Variants in SPON1 observed in about 807,000 individuals in gnomAD.
The protein encoded by SPON1 is spondin-1.
Under a neutral mutation model 111.7 loss-of-function variants are expected in SPON1, and 52 were observed. The observed-to-expected ratio is 0.47, with a 90% CI of 0.37 to 0.59. The LOEUF is 0.59. Ranked by LOEUF, SPON1 falls within the 20% of genes least tolerant of loss-of-function variation. The probability of loss-of-function intolerance (pLI) is 0.00; values close to 1 mark genes in which losing one functional copy is unlikely to be tolerated. For missense variants in SPON1, 957 were observed against 1,068.5 expected (o/e 0.90, Z 1.46); for synonymous variants, 410 against 395.8 (o/e 1.04, Z -0.43).
chr11:14,243,473 A>AT lies in SPON1; in HGVS notation c.890+78dup, dbSNP rs1848952915. ...AAGCCACCTACCTAATGGCCACCAC[A>AT]TACCAGTTATGCTGTTGAAGTTAGC... On this transcript the variant is annotated intron_variant, in intron 7 of 15. Coordinates refer to ENST00000576479, the MANE Select transcript of SPON1 (RefSeq NM_006108.4). The AT allele has an allele frequency of 1.2e-5, 14 of 1,183,284 alleles. No homozygotes were observed. In the Admixed American group the frequency reaches 2.8e-4, roughly 23 times the overall value. 73.3% of individuals were successfully genotyped at this position (1,183,284 alleles called of 1,614,324 possible).
chr11:14,190,864 C>A (rs1467912274), intron 6 of SPON1, among the ~76,000 whole-genome samples: 2 of 151,972 alleles, frequency 1.3e-5, no homozygotes, highest in Admixed American at 6.6e-5. Context: ...TGTTCTGGAA[C>A]TCCTGACCTC....
At chr11:13,968,732 G>A (rs868949101) in intron 1 of SPON1, among the ~76,000 whole-genome samples, 1 of 152,050 alleles carries the variant, frequency 6.6e-6, no homozygotes, top group African/African-American at 2.4e-5. Flanking sequence ...GCAGTGGACT[G>A]GGGGGAGAGG....
chr11:14,190,690 G>C (rs1426286000), intron 6 of SPON1, among the ~76,000 whole-genome samples: 1 of 146,602 alleles, frequency 6.8e-6, no homozygotes, highest in Non-Finnish European at 1.5e-5. Flanking sequence ...ACCCAGGCTA[G>C]AGTGCAGTGG....
intron 6 of SPON1, among the ~76,000 whole-genome samples, chr11:14,200,808 CTGT>C (rs1554935539): frequency 1.4e-4 from 16 of 117,030 alleles, no homozygotes; most frequent in African/African-American, 2.5e-4. Context: ...GAGCAAGACC[CTGT>C]CTTAAAAAAA....
intron 2 of SPON1, among the ~76,000 whole-genome samples, chr11:14,004,231 C>A (rs982017653): frequency 1.3e-5 from 2 of 152,098 alleles, no homozygotes; most frequent in Non-Finnish European, 2.9e-5. Flanking sequence ...ATTTTCTTTT[C>A]CCAAATGAAC....
chr11:14,149,369 A>G lies in SPON1; in HGVS notation c.825+13801A>G, dbSNP rs782724669. On this transcript the variant is annotated intron_variant, in intron 6 of 15. Transcript: ENST00000576479. The stretch of plus-strand genomic sequence containing the variant: ...GAATAAGGATATAAAGAATGAAAAC[A>G]TTCTTGTACAACATGCACTGTGTTG... Among the ~76,000 whole-genome samples the G allele has an allele frequency of 4.5e-4, 69 of 152,362 alleles. 2 individuals carry two copies. The highest frequency in any genetic ancestry group is 1.2e-4 in the Non-Finnish European group (8 of 68,028).
At chr11:14,014,548 G>C (rs553243883) in intron 2 of SPON1, among the ~76,000 whole-genome samples, 22 of 152,356 alleles carry the variant, frequency 1.4e-4, no homozygotes, top group African/African-American at 4.6e-4. Context: ...TTTGGGAGGA[G>C]AAAGGTCTGG....
intron 2 of SPON1, among the ~76,000 whole-genome samples, chr11:14,021,014 A>G (rs1554914757): frequency 6.6e-6 from 1 of 152,206 alleles, no homozygotes; most frequent in Non-Finnish European, 1.5e-5. Context: ...TGTTTAAAAG[A>G]TTGTTTATAA....
At chr11:14,115,737 AT>A (rs1849262026) in intron 5 of SPON1, among the ~76,000 whole-genome samples, 2 of 152,264 alleles carry the variant, frequency 1.3e-5, no homozygotes, top group Admixed American at 1.3e-4. Context: ...TGCTATATCC[AT>A]TCATGTATAT....
chr11:14,133,308 A>G (rs1591384464), intron 5 of SPON1, among the ~76,000 whole-genome samples: 1 of 152,260 alleles, frequency 6.6e-6, no homozygotes, highest in Non-Finnish European at 1.5e-5. Flanking sequence ...CACTAGGCAC[A>G]GCACTAGGTG....
intron 3 of SPON1, among the ~76,000 whole-genome samples, chr11:14,051,653 G>A (rs1318872085): frequency 6.6e-6 from 1 of 152,112 alleles, no homozygotes; most frequent in Non-Finnish European, 1.5e-5. Context: ...CACTGAATAT[G>A]GTGGCACCTT....
At chr11:14,050,560 C>T (rs1176066487) in intron 3 of SPON1, among the ~76,000 whole-genome samples, 4 of 152,030 alleles carry the variant, frequency 2.6e-5, no homozygotes, top group East Asian at 3.9e-4. Context: ...ATCAGGAACT[C>T]GAAAATTATT....
intron 14 of SPON1, among the ~76,000 whole-genome samples, chr11:14,261,612 G>A (rs1404972500): frequency 1.3e-5 from 2 of 152,182 alleles, no homozygotes; most frequent in East Asian, 3.8e-4. Flanking sequence ...CAGCTCCTGG[G>A]TTGTTTTAGG....
At position 14,039,162 on chromosome 11, in the gene SPON1, A is replaced by G. The variant is rs181076772; in HGVS notation, c.346-2359A>G. On this transcript the variant is annotated intron_variant, in intron 2 of 15. Coordinates refer to ENST00000576479, the MANE Select transcript of SPON1 (RefSeq NM_006108.4). Reference sequence around the variant, plus strand: ...GAAAAGGCAAAACTGTGGAGATAGAAAAGATTAGTGGTTGGGAAGAACAAG... The same window carrying G: ...GAAAAGGCAAAACTGTGGAGATAGAGAAGATTAGTGGTTGGGAAGAACAAG... Among the ~76,000 whole-genome samples, 302 of 152,348 alleles carry G rather than the reference A, an allele frequency of 2.0e-3. 1 individual carries two copies. Among genetic ancestry groups the G allele is most frequent in the Non-Finnish European group, 1.1e-3 (73 of 68,022 alleles).
At chr11:14,128,156 C>T (rs782286307) in intron 5 of SPON1, among the ~76,000 whole-genome samples, 1 of 152,160 alleles carries the variant, frequency 6.6e-6, no homozygotes, top group Non-Finnish European at 1.5e-5. Flanking sequence ...TCATGCCTTC[C>T]CAACAGTCCC....
intron 2 of SPON1, among the ~76,000 whole-genome samples, chr11:14,026,535 G>A (rs1447835156): frequency 6.6e-6 from 1 of 152,178 alleles, no homozygotes; most frequent in Non-Finnish European, 1.5e-5. Context: ...AGTCTCTTCT[G>A]AAATAACCCT....
intron 1 of SPON1, among the ~76,000 whole-genome samples, chr11:13,977,312 T>C (rs1178653911): frequency 2.6e-5 from 4 of 152,218 alleles, no homozygotes; most frequent in Admixed American, 1.3e-4. Flanking sequence ...CTATCAACAG[T>C]GTGTGAAAGT....
chr11:14,029,372 G>A (rs750339686), intron 2 of SPON1, among the ~76,000 whole-genome samples: 2 of 152,184 alleles, frequency 1.3e-5, no homozygotes, highest in African/African-American at 4.8e-5. Context: ...TCAATGCACA[G>A]TGATTATAAT....
intron 6 of SPON1, among the ~76,000 whole-genome samples, chr11:14,225,204 A>C (rs190951311): frequency 6.6e-6 from 1 of 152,262 alleles, no homozygotes; most frequent in East Asian, 1.9e-4. Flanking sequence ...GCATACCAGC[A>C]TGTCTTTTTT....
Sources: gnomAD v4.1 joint callset for allele counts (sites outside exome capture counted in the v4.1 genomes callset) on GRCh38, gnomAD v4.1.1 for gene constraint, MANE v1.5 for transcripts, NCBI Gene and HGNC (gene_info 2026-07-23, HGNC 2026-07-21) for gene names.